ASMTL: variants seen among roughly 807,000 people sequenced by gnomAD.
ASMTL encodes acetylserotonin O-methyltransferase like.
In ASMTL, 57 loss-of-function variants were observed where a neutral mutation model predicts 60.3. The observed-to-expected ratio is 0.95, with a 90% CI of 0.76 to 1.18. The LOEUF (loss-of-function observed/expected upper bound fraction) is 1.18, where lower values mean the gene tolerates loss of function less well. ASMTL is among the 50% of genes most tolerant of loss of function. The pLI is 0.00. For missense variants in ASMTL, 981 were observed against 852.6 expected, an observed-to-expected ratio of 1.15 and a Z score of -1.88; for synonymous variants, 419 against 373.0, an observed-to-expected ratio of 1.12 and a Z score of -1.42.
chrX:1,429,555 C>T (rs774330437), intron 6 of ASMTL, among the ~76,000 whole-genome samples: 4 of 151,764 alleles, frequency 2.6e-5, no homozygotes, highest in African/African-American at 9.7e-5. Flanking sequence ...CCCAGCACTT[C>T]GGGAGGCTGA....
At chrX:1,443,063 A>ACAC (rs2091141911) in intron 1 of ASMTL, among the ~76,000 whole-genome samples, 1 of 142,556 alleles carries the variant, frequency 7.0e-6, no homozygotes. Flanking sequence ...TCGTGGACAC[A>ACAC]CACCGTCGTC....
At chrX:1,417,827 A>T in intron 11 of ASMTL, 146 bp downstream of exon 11, 1 of 996,072 alleles carries the variant, frequency 1.0e-6, no homozygotes, top group Non-Finnish European at 1.4e-6. Context: ...ACACACAAGC[A>T]CCGTAGACAG....
At position 1,403,358 on chromosome X, in the gene ASMTL, A is replaced by G. The variant is rs1377151564; in HGVS notation, c.1777T>C (p.Leu593=). The change falls in exon 13 of 13, where the codon TTG becomes CTG. Residue 593 remains leucine, a synonymous_variant. Coordinates refer to ENST00000381317, the MANE Select transcript of ASMTL (RefSeq NM_004192.4). ...TGGTGGAAGCCGTGCAGCTCCAGCA[A>G]GCACTGATACTCGCCCAGGCTCCGC... ...KERSLGEYQC[L]LELHGFHQVQ... is the part of the protein sequence containing the mutation. The G allele has an allele frequency of 6.2e-7, 1 of 1,613,324 alleles. No homozygotes were observed. Among genetic ancestry groups the G allele is most frequent in the Non-Finnish European group, 8.5e-7 (1 of 1,179,870 alleles).
At chrX:1,420,235 T>C (rs1265764903) in intron 9 of ASMTL, among the ~76,000 whole-genome samples, 33 of 151,848 alleles carry the variant, frequency 2.2e-4, no homozygotes, top group African/African-American at 7.7e-4. Context: ...TCTCACTATC[T>C]GTCTCCCATC....
chrX:1,413,157 G>T (rs1251020115), intron 11 of ASMTL: 1 of 384,316 alleles, frequency 2.6e-6, no homozygotes. Context: ...GAGCTCAGGA[G>T]TTCGAGACCA....
At chrX:1,453,578 G>C (rs1297939013), upstream of ASMTL, 2 of 152,418 alleles carry the variant, frequency 1.3e-5, no homozygotes, top group Admixed American at 6.6e-5. Flanking sequence ...GGTTTCCGCA[G>C]CTGCGGTTGT....
In ASMTL at chrX:1,428,067, G is replaced by A. The variant is rs753565127; in HGVS notation, c.564C>T (p.Ser188=). The A allele has an allele frequency of 1.1e-5, 17 of 1,613,138 alleles. No individual in the cohort carries two copies. Among genetic ancestry groups the A allele is most frequent in the Non-Finnish European group, 1.4e-5 (16 of 1,179,474 alleles). ...CCACGTTCAGAAAGTCCCCGTGTAC[G>A]GACTCCACCAGCATGCCGCCCAGGG... is the stretch of plus-strand genomic sequence containing the variant. ...IQALGGMLVE[S]VHGDFLNVVG... The change falls in exon 7 of 13, where the codon TCC becomes TCT. Residue 188 remains serine (S), a synonymous_variant. Coordinates refer to ENST00000381317, the MANE Select transcript of ASMTL (RefSeq NM_004192.4).
intron 12 of ASMTL, among the ~76,000 whole-genome samples, chrX:1,405,734 A>C (rs2089802802): frequency 6.6e-6 from 1 of 150,712 alleles, no homozygotes; most frequent in Non-Finnish European, 1.5e-5. Flanking sequence ...TATGGATGAG[A>C]TGGATGGATG....
Position 1,403,236 on chromosome X carries a change from G to C in ASMTL, c.*33C>G. The stretch of plus-strand genomic sequence containing the variant: ...GGCGGTCCACCTGCAGCCTGGGGGA[G>C]GACATCCCTATAATGAACATGCTGC... On this transcript the variant is annotated 3_prime_UTR_variant, in exon 13 of 13. Coordinates refer to ENST00000381317, the MANE Select transcript of ASMTL (RefSeq NM_004192.4). The C allele has an allele frequency of 6.3e-7, 1 of 1,589,210 alleles. No homozygotes were observed. The highest frequency in any genetic ancestry group is 8.6e-7 in the Non-Finnish European group (1 of 1,159,806).
At position 1,452,884 on chromosome X, in the gene ASMTL, A is replaced by C. The variant is rs1400912318; in HGVS notation, c.-44T>G. 2 of 1,417,970 alleles carry C rather than the reference A, an allele frequency of 1.4e-6. No individual in the cohort carries two copies. The highest frequency in any genetic ancestry group is 1.9e-6 in the Non-Finnish European group (2 of 1,064,542). The allele number at this position is 1,417,970 out of a possible 1,614,324, so 87.8% of individuals were successfully genotyped here. A position where few individuals can be genotyped will look rare whatever the true frequency, so the allele number is the denominator to read the frequency against. ...CGGGCGTCCGCACTTCTGAGCCCGG[A>C]GCCCGCGGTGCGCGCAGCGCGGCTG... On this transcript the variant is annotated 5_prime_UTR_variant, in exon 1 of 13. Transcript: ENST00000381317.
At chrX:1,412,087 G>A (rs2090051407) in intron 12 of ASMTL, among the ~76,000 whole-genome samples, 2 of 152,034 alleles carry the variant, frequency 1.3e-5, no homozygotes, top group Admixed American at 1.3e-4. Context: ...GAAGTGCGGG[G>A]ATGACAGGCG....
intron 8 of ASMTL, 73 bp from the exon 9 acceptor site, chrX:1,421,915 C>G: frequency 7.1e-7 from 1 of 1,405,512 alleles, no homozygotes; most frequent in Non-Finnish European, 1.0e-6. Flanking sequence ...GGGGATGTAT[C>G]ATTGAGATGT....
intron 1 of ASMTL, among the ~76,000 whole-genome samples, chrX:1,442,576 G>A (rs1166070462): frequency 1.3e-5 from 2 of 151,972 alleles, no homozygotes; most frequent in Admixed American, 6.6e-5. Context: ...CTTGGCTCTC[G>A]AGGGAAGAGA....
intron 2 of ASMTL, among the ~76,000 whole-genome samples, chrX:1,440,751 T>G (rs2091089556): frequency 6.6e-6 from 1 of 152,136 alleles, no homozygotes; most frequent in African/African-American, 2.4e-5. Flanking sequence ...CTGGCCAACA[T>G]GGTGAAGCCC....
chrX:1,405,157 G>A (rs1398202431), intron 12 of ASMTL, among the ~76,000 whole-genome samples: 3 of 127,746 alleles, frequency 2.3e-5, no homozygotes, highest in African/African-American at 8.4e-5. Context: ...ATGGGTGCAT[G>A]GATGAGATGG....
In ASMTL at chrX:1,418,133, G is replaced by A. The variant is rs769821937; in HGVS notation, c.1379-17C>T. On this transcript the variant is annotated splice_polypyrimidine_tract_variant and intron_variant, in intron 10 of 12. Coordinates refer to ENST00000381317, the MANE Select transcript of ASMTL (RefSeq NM_004192.4). ...CCGTGCAGCCTGCGGGGAAGCAAAT[G>A]CATGCTCTGTGGCTGGGTCGTCTAT... 2.5e-6 allele frequency: 4 copies of A among 1,581,044 alleles called. No individual in the cohort carries two copies. In the South Asian group the frequency reaches 3.4e-5, roughly 14 times the overall value.
chrX:1,444,741 G>A (rs1440218285), intron 1 of ASMTL, among the ~76,000 whole-genome samples: 4 of 152,028 alleles, frequency 2.6e-5, no homozygotes, highest in South Asian at 2.1e-4. Context: ...AGGAAGCTGT[G>A]GGCAGCAGCA....
Position 1,428,020 on chromosome X carries a change from A to C in ASMTL, c.611T>G (p.Phe204Cys). ...GTAGAGCTTCACCAGCTGCTTGCAGAAGTGGTTCAGCGGGAATCCCACCAC... is the reference window on the plus strand; with the variant it reads ...GTAGAGCTTCACCAGCTGCTTGCAGCAGTGGTTCAGCGGGAATCCCACCAC... Reference protein sequence around the residue: ...LNVVGFPLNHFCKQLVKLYYP... With the variant: ...LNVVGFPLNHCCKQLVKLYYP... Residue 204 changes from phenylalanine (F) to cysteine (C), a missense_variant, in exon 7 of 13, where the codon TTC becomes TGC. By Grantham distance (205) the Phe-to-Cys change is radical. Coordinates refer to ENST00000381317, the MANE Select transcript of ASMTL (RefSeq NM_004192.4). The C allele has an allele frequency of 6.2e-7, 1 of 1,613,656 alleles. No individual in the cohort carries two copies. Among genetic ancestry groups the C allele is most frequent in the African/African-American group, 1.3e-5 (1 of 75,062 alleles).
chrX:1,414,247 G>T (rs1309970883), intron 11 of ASMTL, among the ~76,000 whole-genome samples: 1 of 152,188 alleles, frequency 6.6e-6, no homozygotes, highest in Non-Finnish European at 1.5e-5. Flanking sequence ...AGGGAGCACA[G>T]CCCTGAGATG....
Sources: gnomAD v4.1 joint callset for allele counts (sites outside exome capture counted in the v4.1 genomes callset) on GRCh38, gnomAD v4.1.1 for gene constraint, MANE v1.5 for transcripts, NCBI Gene and HGNC (gene_info 2026-07-23, HGNC 2026-07-21) for gene names.